Variants in ZNF223 observed in about 807,000 individuals in gnomAD.
The protein encoded by ZNF223 is Homo sapiens zinc finger protein 223.
In ZNF223, 9 loss-of-function variants were observed where a neutral mutation model predicts 12.3. The ratio of observed to expected loss-of-function variants is 0.73; its 90% CI spans 0.44 to 1.28. The LOEUF is 1.28. Among genes scored for constraint, ZNF223 ranks in the 50% most tolerant of loss-of-function variants. ZNF223 has a pLI of 0.00. For missense variants in ZNF223, 506 were observed against 579.0 expected (o/e 0.87, Z 1.29); for synonymous variants, 171 against 195.2 (o/e 0.88, Z 1.03).
Position 44,059,950 on chromosome 19 carries a change from G to A in ZNF223, c.16-505G>A, listed in dbSNP as rs1414144888. ...ATCACCTCCAGATTAGAGTCAGGAG[G>A]ACCTTTGTCAGTTACCGCGGTGATC... On this transcript the variant is annotated intron_variant, in intron 2 of 4. Coordinates refer to ENST00000434772, the MANE Select transcript of ZNF223 (RefSeq NM_013361.6). 3.9e-5 allele frequency among the ~76,000 whole-genome samples: 6 copies of A among 152,290 alleles called. No individual in the cohort carries two copies. In the South Asian group the frequency reaches 1.2e-3, roughly 32 times the overall value.
intron 1 of ZNF223, 137 bp from the exon 2 acceptor site, chr19:44,054,972 G>T: frequency 2.1e-6 from 1 of 477,320 alleles, no homozygotes; most frequent in South Asian, 4.9e-5. Flanking sequence ...CTTTTTGGTT[G>T]TGTGCAATTT....
At chr19:44,064,837 G>A (rs1354930676) in intron 4 of ZNF223, among the ~76,000 whole-genome samples, 2 of 152,036 alleles carry the variant, frequency 1.3e-5, no homozygotes, top group South Asian at 2.1e-4. Context: ...CAGTAGAGTC[G>A]GGCATGTTAC....
In ZNF223 at chr19:44,054,057, G is replaced by A. The variant is rs7247071; in HGVS notation, c.-68-1052G>A. Reference sequence around the variant, plus strand: ...GTTTCTCATGTCTTCCTTTTTCTACGTAGACACAGTAACAGCCTGATCTCT... The same window carrying A: ...GTTTCTCATGTCTTCCTTTTTCTACATAGACACAGTAACAGCCTGATCTCT... On this transcript the variant is annotated intron_variant, in intron 1 of 4. Transcript: ENST00000434772. Among the ~76,000 whole-genome samples the A allele has an allele frequency of 2.0e-3, 308 of 152,128 alleles. 1 individual carries two copies. The highest frequency in any genetic ancestry group is 7.2e-3 in the African/African-American group (297 of 41,506).
At chr19:44,065,276 A>G (rs1229775239) in intron 4 of ZNF223, among the ~76,000 whole-genome samples, 1 of 152,186 alleles carries the variant, frequency 6.6e-6, no homozygotes, top group Admixed American at 6.5e-5. Flanking sequence ...TTATTTTTAA[A>G]AATGTTTTTT....
intron 4 of ZNF223, chr19:44,063,473 C>A (rs1976867999): frequency 6.6e-6 from 1 of 152,318 alleles, no homozygotes; most frequent in African/African-American, 2.4e-5. Flanking sequence ...CAGCCCCTGC[C>A]CTCTTGGCAC....
intron 2 of ZNF223, among the ~76,000 whole-genome samples, chr19:44,059,672 C>T (rs929220329): frequency 2.0e-5 from 3 of 152,170 alleles, no homozygotes; most frequent in African/African-American, 7.2e-5. Context: ...GTCTGTCTGT[C>T]CCTGTCCTGA....
rs1198133009 is a variant in ZNF223 at position 44,060,744 on chromosome 19, T to C, written c.143-5T>C. On this transcript the variant is annotated splice_region_variant and splice_polypyrimidine_tract_variant and intron_variant, in intron 3 of 4. Transcript: ENST00000434772. ...GATTAAGCATGTGACTTTTCCTGTT[T>C]ACAGGGCATCAACCATTCCACCGAG... The C allele has an allele frequency of 6.2e-7, 1 of 1,613,932 alleles. No homozygotes were observed. Among genetic ancestry groups the C allele is most frequent in the Non-Finnish European group, 8.5e-7 (1 of 1,179,968 alleles).
chr19:44,056,241 C>T (rs894678383), intron 2 of ZNF223, among the ~76,000 whole-genome samples: 2 of 151,036 alleles, frequency 1.3e-5, no homozygotes, highest in East Asian at 3.9e-4. Flanking sequence ...TTTGGCTGGG[C>T]GCGGTGGCTC....
chr19:44,053,698 G>A (rs957059608), intron 1 of ZNF223, among the ~76,000 whole-genome samples: 2 of 152,122 alleles, frequency 1.3e-5, no homozygotes, highest in African/African-American at 4.8e-5. Context: ...GCTGGGGGAC[G>A]GTCAGGTCTT....
chr19:44,064,189 C>T (rs1976876187), intron 4 of ZNF223, among the ~76,000 whole-genome samples: 1 of 152,134 alleles, frequency 6.6e-6, no homozygotes, highest in African/African-American at 2.4e-5. Context: ...ATTCTGGCTC[C>T]TTTCTATAAA....
rs1257324701 is a variant in ZNF223 at position 44,066,397 on chromosome 19, C to T, written c.569C>T (p.Ala190Val). ...ECGKSFCYIS[A>V]LHIHQRVHLG... ...GGAAAAAGCTTCTGTTACATCTCAG[C>T]GCTTCATATTCATCAGAGAGTCCAC... Residue 190 changes from alanine (A) to valine (V), a missense_variant, in exon 5 of 5, where the codon GCG becomes GTG. Coordinates refer to ENST00000434772, the MANE Select transcript of ZNF223 (RefSeq NM_013361.6). 22 of 1,614,046 alleles carry T rather than the reference C, an allele frequency of 1.4e-5. No homozygotes were observed. In the African/African-American group the frequency reaches 1.5e-4, roughly 11 times the overall value.
intron 1 of ZNF223, among the ~76,000 whole-genome samples, chr19:44,053,060 G>A (rs937785200): frequency 6.6e-6 from 1 of 151,980 alleles, no homozygotes; most frequent in African/African-American, 2.4e-5. Flanking sequence ...CAGTTTATGC[G>A]TTGTCTTTAG....
intron 1 of ZNF223, among the ~76,000 whole-genome samples, chr19:44,053,499 T>C (rs1346819944): frequency 6.6e-6 from 1 of 152,218 alleles, no homozygotes. Flanking sequence ...TTGCCGCCAG[T>C]ATGTCTCACC....
At chr19:44,053,073 G>A (rs1183788356) in intron 1 of ZNF223, among the ~76,000 whole-genome samples, 3 of 152,120 alleles carry the variant, frequency 2.0e-5, no homozygotes. Flanking sequence ...GTCTTTAGCT[G>A]TCACATTTCC....
chr19:44,063,732 C>T (rs544480348), intron 4 of ZNF223, among the ~76,000 whole-genome samples: 1 of 152,300 alleles, frequency 6.6e-6, no homozygotes, highest in Non-Finnish European at 1.5e-5. Context: ...CTCTGCTCAC[C>T]GCTCAGCGAC....
rs1599869403 is a variant in ZNF223 at position 44,060,272 on chromosome 19, T to TGGGACAATCAAGGTGTGTCATTGTC, written c.16-182_16-158dup. ...TTGTCGTTGGACTTCTGATGACGCTTGGGACAATCAAGGTGTGTCATTGTC... is the reference window on the plus strand; with the variant it reads ...TTGTCGTTGGACTTCTGATGACGCTTGGGACAATCAAGGTGTGTCATTGTCGGGACAATCAAGGTGTGTCATTGTC... On this transcript the variant is annotated intron_variant, in intron 2 of 4. Coordinates refer to ENST00000434772, the MANE Select transcript of ZNF223 (RefSeq NM_013361.6). 10 of 1,052,564 alleles carry TGGGACAATCAAGGTGTGTCATTGTC rather than the reference T, an allele frequency of 9.5e-6. No individual in the cohort carries two copies. In the East Asian group the frequency reaches 2.6e-4, roughly 28 times the overall value. 65.2% of individuals were successfully genotyped at this position (1,052,564 alleles called of 1,614,324 possible).
chr19:44,065,354 G>T (rs139649417), intron 4 of ZNF223, among the ~76,000 whole-genome samples: 294 of 152,188 alleles, frequency 1.9e-3, no homozygotes, highest in African/African-American at 6.6e-3. Context: ...GCAAATATAC[G>T]AAGTATTTAT....
intron 3 of ZNF223, 60 bp from the exon 4 acceptor site, chr19:44,060,689 G>A: frequency 3.1e-6 from 5 of 1,613,664 alleles, no homozygotes; most frequent in Non-Finnish European, 4.2e-6. Context: ...TCCAATAAGT[G>A]TTACCGTGAT....
chr19:44,052,769 G>A (rs1976718900), intron 1 of ZNF223, among the ~76,000 whole-genome samples: 1 of 152,016 alleles, frequency 6.6e-6, no homozygotes, highest in African/African-American at 2.4e-5. Flanking sequence ...TAATTGTGGG[G>A]TGTCTTGGTA....
Sources: allele counts gnomAD v4.1 joint callset (sites outside exome capture counted in the v4.1 genomes callset), GRCh38; gene constraint gnomAD v4.1.1; transcripts MANE v1.5; gene names NCBI Gene and HGNC (gene_info 2026-07-23, HGNC 2026-07-21).